EML5: variants seen among roughly 807,000 people sequenced by gnomAD.
EML5 encodes echinoderm microtubule-associated protein-like 5.
Under a neutral mutation model 250.0 loss-of-function variants are expected in EML5, and 120 were observed. The ratio of observed to expected loss-of-function variants is 0.48; its 90% CI spans 0.41 to 0.56. The LOEUF is 0.56. Among genes scored for constraint, EML5 ranks in the 20% least tolerant of loss-of-function variants. The pLI is 0.00. For missense variants in EML5, 2,006 were observed against 2,437.6 expected (o/e 0.82, Z 3.73); for synonymous variants, 771 against 806.5 (o/e 0.96, Z 0.75).
At chr14:88,707,212 G>T (rs965145922) in intron 10 of EML5, among the ~76,000 whole-genome samples, 3 of 151,822 alleles carry the variant, frequency 2.0e-5, no homozygotes, top group Non-Finnish European at 2.9e-5. Flanking sequence ...CAATAATAAA[G>T]GAATCATTTA....
At chr14:88,712,180 T>C (rs2093419454) in intron 10 of EML5, 91 bp downstream of exon 10, 2 of 870,202 alleles carry the variant, frequency 2.3e-6, no homozygotes, top group South Asian at 3.6e-5. Context: ...TTAAAAAATA[T>C]GAAATCCTTT....
chr14:88,724,910 C>T (rs1265042254), intron 8 of EML5, among the ~76,000 whole-genome samples: 2 of 152,078 alleles, frequency 1.3e-5, no homozygotes, highest in Admixed American at 1.3e-4. Context: ...AATCAGTGCC[C>T]AAATTATAAC....
chr14:88,655,581 C>T (rs2091837281), intron 27 of EML5, among the ~76,000 whole-genome samples: 1 of 152,130 alleles, frequency 6.6e-6, no homozygotes, highest in Non-Finnish European at 1.5e-5. Context: ...CACTTCATGA[C>T]TAAAACACTG....
chr14:88,669,013 A>G (rs973874150), intron 21 of EML5, among the ~76,000 whole-genome samples: 10 of 152,100 alleles, frequency 6.6e-5, no homozygotes, highest in Non-Finnish European at 1.3e-4. Flanking sequence ...GGTGGTTGGC[A>G]TGACCCATGG....
chr14:88,689,403 A>G (rs1293028269), intron 17 of EML5, among the ~76,000 whole-genome samples: 4 of 152,216 alleles, frequency 2.6e-5, no homozygotes, highest in Non-Finnish European at 5.9e-5. Flanking sequence ...TTGTCACACT[A>G]GGGAATACGA....
Position 88,649,937 on chromosome 14 carries a change from A to C in EML5, c.4005-11T>G. The C allele has an allele frequency of 6.8e-7, 1 of 1,478,184 alleles. No individual in the cohort carries two copies. The highest frequency in any genetic ancestry group is 9.0e-7 in the Non-Finnish European group (1 of 1,115,682). 91.6% of individuals were successfully genotyped at this position (1,478,184 alleles called of 1,614,324 possible). A position where few individuals can be genotyped will look rare whatever the true frequency, so the allele number is the denominator to read the frequency against. On this transcript the variant is annotated splice_polypyrimidine_tract_variant and intron_variant, in intron 27 of 43. Coordinates refer to ENST00000554922, the MANE Select transcript of EML5 (RefSeq NM_183387.3). ...CTTACTACTCCCTGCCTTCAAAAGG[A>C]GCAAGGGGGAAAAAAGTAGGAAAAC...
chr14:88,750,007 T>C (rs542562090), intron 2 of EML5, among the ~76,000 whole-genome samples: 6 of 152,218 alleles, frequency 3.9e-5, no homozygotes, highest in Non-Finnish European at 8.8e-5. Context: ...TACTGGAATA[T>C]AGCCACACTC....
At chr14:88,690,482 A>T (rs1043914438) in intron 17 of EML5, among the ~76,000 whole-genome samples, 1 of 152,356 alleles carries the variant, frequency 6.6e-6, no homozygotes, top group African/African-American at 2.4e-5. Context: ...TCTTTTCTCA[A>T]CATAGAAGGC....
At chr14:88,653,646 C>T (rs1413057047) in intron 27 of EML5, among the ~76,000 whole-genome samples, 5 of 152,058 alleles carry the variant, frequency 3.3e-5, no homozygotes, top group Non-Finnish European at 4.4e-5. Context: ...GGGATGAAGC[C>T]GACTTGATTG....
chr14:88,704,677 A>G (rs1291329739), intron 13 of EML5, among the ~76,000 whole-genome samples, 183 bp downstream of exon 13: 1 of 152,172 alleles, frequency 6.6e-6, no homozygotes, highest in Admixed American at 6.5e-5. Context: ...ATATCTTTCA[A>G]TTTGGTTTTG....
At chr14:88,674,326 AAG>A (rs2092544634) in intron 21 of EML5, among the ~76,000 whole-genome samples, 1 of 152,142 alleles carries the variant, frequency 6.6e-6, no homozygotes, top group Non-Finnish European at 1.5e-5. Flanking sequence ...TTATAAAGGA[AAG>A]AGATTTAATT....
At chr14:88,699,907 G>T (rs987053436) in intron 14 of EML5, among the ~76,000 whole-genome samples, 1 of 152,046 alleles carries the variant, frequency 6.6e-6, no homozygotes. Context: ...AATCTGAGTT[G>T]CCCACAAGAC....
chr14:88,761,766 C>A (rs929432569), intron 1 of EML5, among the ~76,000 whole-genome samples: 1 of 152,204 alleles, frequency 6.6e-6, no homozygotes, highest in African/African-American at 2.4e-5. Context: ...CTTGAGGAAT[C>A]ACCACACTGT....
intron 1 of EML5, among the ~76,000 whole-genome samples, chr14:88,772,679 G>A (rs1216366499): frequency 6.6e-6 from 1 of 152,084 alleles, no homozygotes; most frequent in East Asian, 1.9e-4. Flanking sequence ...CTTGAACCTG[G>A]GAGGCGGAGG....
At chr14:88,696,794 A>G in intron 15 of EML5, 53 bp downstream of exon 15, 1 of 1,260,940 alleles carries the variant, frequency 7.9e-7, no homozygotes. Context: ...TTAAAATGCT[A>G]TGTGTTGCCT....
chr14:88,643,710 C>T (rs1199307419), intron 30 of EML5, among the ~76,000 whole-genome samples: 2 of 152,094 alleles, frequency 1.3e-5, no homozygotes, highest in Non-Finnish European at 2.9e-5. Flanking sequence ...TCACATACTT[C>T]GAAGAACTCA....
At chr14:88,708,131 A>C (rs1446112903) in intron 10 of EML5, among the ~76,000 whole-genome samples, 5 of 152,162 alleles carry the variant, frequency 3.3e-5, no homozygotes, top group Non-Finnish European at 5.9e-5. Flanking sequence ...CTAAACAAGA[A>C]AGTTGTAAAA....
intron 1 of EML5, among the ~76,000 whole-genome samples, chr14:88,782,954 C>T (rs1308137198): frequency 6.6e-6 from 1 of 152,134 alleles, no homozygotes; most frequent in Non-Finnish European, 1.5e-5. Context: ...TGGCACACAC[C>T]TGTAGTCCCA....
intron 1 of EML5, among the ~76,000 whole-genome samples, chr14:88,760,094 C>T (rs2094217338): frequency 6.6e-6 from 1 of 152,176 alleles, no homozygotes; most frequent in Non-Finnish European, 1.5e-5. Context: ...CTACATGGGA[C>T]TTGCAAATAT....
Sources: gnomAD v4.1 joint callset for allele counts (sites outside exome capture counted in the v4.1 genomes callset) on GRCh38, gnomAD v4.1.1 for gene constraint, MANE v1.5 for transcripts, NCBI Gene and HGNC (gene_info 2026-07-23, HGNC 2026-07-21) for gene names.